The following TMEM135 variants were observed in gnomAD, a reference collection of about 807,000 sequenced individuals.
TMEM135 encodes the protein peroxisomal membrane protein 52.
In TMEM135, 30 loss-of-function variants were observed where a neutral mutation model predicts 60.3. That is an observed-to-expected ratio of 0.50 (90% CI 0.37 to 0.68). TMEM135 has a LOEUF of 0.68. TMEM135 is among the 30% of genes least tolerant of loss of function. The pLI is 0.00. For synonymous variants in TMEM135, 190 were observed against 186.7 expected, an observed-to-expected ratio of 1.02 and a Z score of -0.14; for missense variants, 468 against 548.8, an observed-to-expected ratio of 0.85 and a Z score of 1.47.
intron 6 of TMEM135, among the ~76,000 whole-genome samples, chr11:87,254,349 A>G (rs2030234): frequency 0.33 from 49,649 of 152,054 alleles, 9,732 homozygotes; most frequent in Non-Finnish European, 0.44. Flanking sequence ...AGGAGATTCC[A>G]TGGTAGAATA....
At chr11:87,240,267 C>T (rs645709) in intron 6 of TMEM135, among the ~76,000 whole-genome samples, 99,734 of 151,446 alleles carry the variant, frequency 0.66, 33,394 homozygotes, top group Non-Finnish European at 0.71. Context: ...TCTTAGTGGG[C>T]ATTCTTCATA....
In TMEM135 at chr11:87,091,402, A is replaced by G. The variant is rs373753966; in HGVS notation, c.396+7A>G. 82 of 1,612,036 alleles carry G rather than the reference A, an allele frequency of 5.1e-5. No individual in the cohort carries two copies. The highest frequency in any genetic ancestry group is 6.4e-5 in the Non-Finnish European group (76 of 1,178,756). On this transcript the variant is annotated splice_region_variant and intron_variant, in intron 4 of 14. Transcript: ENST00000305494. Reference sequence around the variant, plus strand: ...AATTTATATGGCCAACTTGGTAAGTATTTTGTTTTAACCTTTGATGTCTTC... The same window carrying G: ...AATTTATATGGCCAACTTGGTAAGTGTTTTGTTTTAACCTTTGATGTCTTC...
intron 5 of TMEM135, among the ~76,000 whole-genome samples, chr11:87,168,736 A>G (rs981979224): frequency 1.3e-5 from 2 of 152,152 alleles, no homozygotes; most frequent in African/African-American, 4.8e-5. Flanking sequence ...TATCTGGTCA[A>G]TTTTAGAAGA....
intron 4 of TMEM135, among the ~76,000 whole-genome samples, chr11:87,103,472 GTTTTTTTTGTTT>G (rs1277231603): frequency 1.8e-4 from 14 of 79,658 alleles, no homozygotes; most frequent in African/African-American, 2.3e-4. Context: ...TGTTAGCCAT[GTTTTTTTTGTTT>G]TTTTTTTTTG....
At chr11:87,054,245 G>A (rs570571220) in intron 1 of TMEM135, among the ~76,000 whole-genome samples, 2 of 152,202 alleles carry the variant, frequency 1.3e-5, no homozygotes, top group African/African-American at 4.8e-5. Context: ...GACCAGCCTG[G>A]CCAACATGGT....
intron 3 of TMEM135, among the ~76,000 whole-genome samples, chr11:87,075,697 G>T (rs773004154): frequency 1.3e-5 from 2 of 152,148 alleles, no homozygotes; most frequent in Non-Finnish European, 2.9e-5. Flanking sequence ...TTTCTGATTT[G>T]TCTGAGTTAT....
chr11:87,101,122 G>A (rs899470325), intron 4 of TMEM135, among the ~76,000 whole-genome samples: 2 of 152,116 alleles, frequency 1.3e-5, no homozygotes, highest in African/African-American at 4.8e-5. Flanking sequence ...AGTTATTAAA[G>A]GTCAAAATGA....
chr11:87,082,987 T>A (rs1165780771), intron 3 of TMEM135, among the ~76,000 whole-genome samples: 1 of 152,226 alleles, frequency 6.6e-6, no homozygotes, highest in Admixed American at 6.5e-5. Flanking sequence ...GATATAGATA[T>A]AAATACATAG....
At position 87,191,987 on chromosome 11, in the gene TMEM135, C is replaced by CTTTT. The variant is rs200969171; in HGVS notation, c.462+34596_462+34599dup. On this transcript the variant is annotated intron_variant, in intron 5 of 14. Coordinates refer to ENST00000305494, the MANE Select transcript of TMEM135 (RefSeq NM_022918.4). ...TCTTTTGTTTCTTTTCTTTTCTTTT[C>CTTTT]TTTTTTTTTTTTTTTTTTCGAGATG... Among the ~76,000 whole-genome samples the CTTTT allele has an allele frequency of 1.1e-3, 84 of 77,134 alleles. 2 individuals carry two copies. Among genetic ancestry groups the CTTTT allele is most frequent in the African/African-American group, 3.5e-3 (59 of 16,988 alleles). The allele number at this position is 77,134 out of a possible 152,430, so 50.6% of individuals were successfully genotyped here. A position where few individuals can be genotyped will look rare whatever the true frequency, so the allele number is the denominator to read the frequency against.
intron 3 of TMEM135, among the ~76,000 whole-genome samples, chr11:87,081,951 CTT>C (rs750645820): frequency 2.0e-5 from 3 of 152,028 alleles, no homozygotes; most frequent in Non-Finnish European, 4.4e-5. Context: ...TTATTGAACT[CTT>C]TGTGTATGTG....
rs35073361 is a variant in TMEM135, at chr11:87,302,351, T to C, written c.607T>C (p.Tyr203His). Residue 203 changes from tyrosine (Y) to histidine (H), a missense_variant, in exon 8 of 15, where the codon TAT (tyrosine) becomes CAT (histidine). Coordinates refer to ENST00000305494, the MANE Select transcript of TMEM135 (RefSeq NM_022918.4). The stretch of plus-strand genomic sequence containing the variant: ...ACATTCTTTTTCACCAGAGGCAGCA[T>C]ATGCAAAAGTGGAACAAAAGAGAGA... ...PTHSFSPEAA[Y>H]AKVEQKREQH... 7.2e-4 allele frequency: 1,158 copies of C among 1,613,858 alleles called. 5 individuals are homozygous for C. In the African/African-American group the frequency reaches 0.013, roughly 18 times the overall value.
intron 5 of TMEM135, among the ~76,000 whole-genome samples, chr11:87,214,508 A>C (rs1288557542): frequency 6.6e-6 from 1 of 152,134 alleles, no homozygotes; most frequent in Non-Finnish European, 1.5e-5. Flanking sequence ...TTATCAGGTG[A>C]ATGAGAATTT....
At chr11:87,205,492 A>G (rs796900147) in intron 5 of TMEM135, among the ~76,000 whole-genome samples, 23 of 152,328 alleles carry the variant, frequency 1.5e-4, no homozygotes, top group African/African-American at 5.5e-4. Context: ...TATATATTCT[A>G]GAGTCAAAAC....
In TMEM135 at chr11:87,191,982, C is replaced by CTTT. The variant is rs767550753; in HGVS notation, c.462+34578_462+34580dup. Among the ~76,000 whole-genome samples, 163 of 93,914 alleles carry CTTT rather than the reference C, an allele frequency of 1.7e-3. 12 individuals carry two copies. Among genetic ancestry groups the CTTT allele is most frequent in the African/African-American group, 4.0e-3 (89 of 22,046 alleles). 61.6% of individuals were successfully genotyped at this position (93,914 alleles called of 152,430 possible). A position where few individuals can be genotyped will look rare whatever the true frequency, so the allele number is the denominator to read the frequency against. ...CTATTTCTTTTGTTTCTTTTCTTTT[C>CTTT]TTTTCTTTTTTTTTTTTTTTTTTCG... On this transcript the variant is annotated intron_variant, in intron 5 of 14. Coordinates refer to ENST00000305494, the MANE Select transcript of TMEM135 (RefSeq NM_022918.4).
Position 87,201,892 on chromosome 11 carries a change from G to A in TMEM135, c.463-34746G>A, listed in dbSNP as rs191330639. The stretch of plus-strand genomic sequence containing the variant: ...CATTTTATAATGAAATCTGTCTTAT[G>A]ATAAAGATTTAAACACACACACATA... On this transcript the variant is annotated intron_variant, in intron 5 of 14. Transcript: ENST00000305494. Among the ~76,000 whole-genome samples, 27 of 151,686 alleles carry A rather than the reference G, an allele frequency of 1.8e-4. No homozygotes were observed. The East Asian group carries it at 5.0e-3, about 28-fold the overall frequency.
At chr11:87,201,321 A>G (rs1281492880) in intron 5 of TMEM135, among the ~76,000 whole-genome samples, 1 of 152,186 alleles carries the variant, frequency 6.6e-6, no homozygotes, top group Non-Finnish European at 1.5e-5. Flanking sequence ...GTCTTTTTAC[A>G]TCCTTCATGT....
At chr11:87,144,035 C>G (rs1290963815) in intron 4 of TMEM135, among the ~76,000 whole-genome samples, 1 of 151,916 alleles carries the variant, frequency 6.6e-6, no homozygotes, top group Non-Finnish European at 1.5e-5. Flanking sequence ...AATGATGTGA[C>G]CTTTACCTCA....
chr11:87,231,411 A>G (rs778261287), intron 5 of TMEM135, among the ~76,000 whole-genome samples: 13 of 152,208 alleles, frequency 8.5e-5, no homozygotes, highest in Non-Finnish European at 1.8e-4. Context: ...GGTAAAGTAC[A>G]CATAATGTTT....
At chr11:87,199,495 A>G (rs1366214503) in intron 5 of TMEM135, among the ~76,000 whole-genome samples, 1 of 152,234 alleles carries the variant, frequency 6.6e-6, no homozygotes, top group Non-Finnish European at 1.5e-5. Context: ...CTGAGCAATA[A>G]TTTGCTCACT....
Sources: gnomAD v4.1 joint callset for allele counts (sites outside exome capture counted in the v4.1 genomes callset) on GRCh38, gnomAD v4.1.1 for gene constraint, MANE v1.5 for transcripts, NCBI Gene and HGNC (gene_info 2026-07-23, HGNC 2026-07-21) for gene names.